The following LGALS13 variants were observed in gnomAD, a reference collection of about 807,000 sequenced individuals.
The protein encoded by LGALS13 is galactoside-binding soluble lectin 13.
LGALS13 carries 11 observed loss-of-function variants against 13.2 expected under a neutral mutation model. The ratio of observed to expected loss-of-function variants is 0.83; its 90% confidence interval spans 0.52 to 1.38. The LOEUF is 1.38. Ranked by LOEUF, LGALS13 falls within the 40% of genes most tolerant of loss-of-function variation. The pLI is 0.00. For missense variants in LGALS13, 183 were observed against 174.3 expected, an observed-to-expected ratio of 1.05 and a Z score of -0.28; for synonymous variants, 71 against 63.7, an observed-to-expected ratio of 1.11 and a Z score of -0.54.
chr19:39,604,461 C>G (rs1972649238), intron 1 of LGALS13, 141 bp from the exon 2 acceptor site: 7 of 897,502 alleles, frequency 7.8e-6, no homozygotes, highest in Non-Finnish European at 1.1e-5. Flanking sequence ...GAATATGGGG[C>G]CCTGAATGCG....
At chr19:39,607,098 A>C in intron 3 of LGALS13, 125 bp from the exon 4 acceptor site, 1 of 762,726 alleles carries the variant, frequency 1.3e-6, no homozygotes, top group South Asian at 1.4e-5. Flanking sequence ...AGTGTATCTA[A>C]TACGTTAACT....
In LGALS13 at chr19:39,602,537, C is replaced by T; in HGVS notation, c.-32C>T. 3 of 1,611,916 alleles carry T rather than the reference C, an allele frequency of 1.9e-6. No homozygotes were observed. Among genetic ancestry groups the T allele is most frequent in the Non-Finnish European group, 2.5e-6 (3 of 1,177,984 alleles). ...AGAGATTCACTCAGAAGACTGGACT[C>T]AATTCTGAAGGTCGCCAAGAAGGAG... On this transcript the variant is annotated 5_prime_UTR_variant, in exon 1 of 4. Coordinates refer to ENST00000221797, the MANE Select transcript of LGALS13 (RefSeq NM_013268.3).
intron 1 of LGALS13, chr19:39,604,121 C>A (rs947927209): frequency 2.3e-5 from 9 of 398,196 alleles, no homozygotes; most frequent in Non-Finnish European, 2.7e-5. Context: ...TAAATTCTTA[C>A]ATTTACAAGT....
intron 2 of LGALS13, among the ~76,000 whole-genome samples, chr19:39,604,939 T>A (rs542497640): frequency 6.6e-6 from 1 of 152,204 alleles, no homozygotes; most frequent in Non-Finnish European, 1.5e-5. Flanking sequence ...TTTTCGGGAA[T>A]GAACAAGTCA....
chr19:39,604,682 A>C lies in LGALS13; in HGVS notation c.92+4A>C, dbSNP rs1157446931. On this transcript the variant is annotated splice_donor_region_variant and intron_variant, in intron 2 of 3. Coordinates refer to ENST00000221797, the MANE Select transcript of LGALS13 (RefSeq NM_013268.3). ...GGACACCAATCCACTCTTTTATGTGAGTACTCCATGGTCCAATGGAGGGGT... is the reference window on the plus strand; with the variant it reads ...GGACACCAATCCACTCTTTTATGTGCGTACTCCATGGTCCAATGGAGGGGT... The C allele has an allele frequency of 6.2e-7, 1 of 1,614,136 alleles. No individual in the cohort carries two copies. Among genetic ancestry groups the C allele is most frequent in the South Asian group, 1.1e-5 (1 of 91,086 alleles).
Position 39,602,588 on chromosome 19 carries a change from GT to G in LGALS13, c.15+7del. On this transcript the variant is annotated splice_donor_region_variant and intron_variant, in intron 1 of 3. Coordinates refer to ENST00000221797, the MANE Select transcript of LGALS13 (RefSeq NM_013268.3). Reference sequence around the variant, plus strand: ...AGAACAATGTCTTCTTTACCCGTGAGTTGAAAAGGCACAGCCTTCAAAAATT... The same window carrying G: ...AGAACAATGTCTTCTTTACCCGTGAGTGAAAAGGCACAGCCTTCAAAAATT... 1 of 1,614,122 alleles carries G rather than the reference GT, an allele frequency of 6.2e-7. No individual in the cohort carries two copies. The highest frequency in any genetic ancestry group is 8.5e-7 in the Non-Finnish European group (1 of 1,179,938).
chr19:39,603,600 C>A (rs762322814), intron 1 of LGALS13, among the ~76,000 whole-genome samples: 1 of 151,852 alleles, frequency 6.6e-6, no homozygotes, highest in African/African-American at 2.4e-5. Flanking sequence ...GGCTATAATC[C>A]CACCAATTTT....
chr19:39,606,916 G>A (rs1408037021), intron 3 of LGALS13, among the ~76,000 whole-genome samples: 1 of 152,196 alleles, frequency 6.6e-6, no homozygotes, highest in Non-Finnish European at 1.5e-5. Context: ...AGGGTCTCAA[G>A]TTCCTGAGAC....
In LGALS13 at chr19:39,607,401, C is replaced by A; in HGVS notation, c.*62C>A. The A allele has an allele frequency of 9.3e-7, 1 of 1,069,558 alleles. No individual in the cohort carries two copies. The highest frequency in any genetic ancestry group is 1.2e-5 in the South Asian group (1 of 80,230). The allele number at this position is 1,069,558 out of a possible 1,614,324, so 66.3% of individuals were successfully genotyped here. On this transcript the variant is annotated 3_prime_UTR_variant, in exon 4 of 4. Transcript: ENST00000221797. ...TCTTTCTACCTGACCATGGGATTCC[C>A]AGAACCTGCTAACAGAATAATCCCT...
Position 39,607,280 on chromosome 19 carries a change from G to A in LGALS13, c.361G>A (p.Val121Met). The change falls in exon 4 of 4, where the codon GTG becomes ATG. Residue 121 changes from valine (V) to methionine (M), a missense_variant. Transcript: ENST00000221797. ...GFVHRIPPSFVKMVQVSRDIS... is the reference protein window; with the variant it reads ...GFVHRIPPSFMKMVQVSRDIS... ...TGTCCATCGAATCCCGCCATCATTT[G>A]TGAAGATGGTGCAAGTGTCGAGAGA... 1 of 1,614,130 alleles carries A rather than the reference G, an allele frequency of 6.2e-7. No individual in the cohort carries two copies. Among genetic ancestry groups the A allele is most frequent in the Non-Finnish European group, 8.5e-7 (1 of 1,180,016 alleles).
rs368548473 is a variant in LGALS13, at chr19:39,607,187, G to T, written c.304-36G>T. The T allele has an allele frequency of 2.7e-6, 4 of 1,498,166 alleles. No homozygotes were observed. In the African/African-American group the frequency reaches 5.5e-5, roughly 21 times the overall value. The allele number at this position is 1,498,166 out of a possible 1,614,324, so 92.8% of individuals were successfully genotyped here. On this transcript the variant is annotated intron_variant, in intron 3 of 3. Transcript: ENST00000221797. ...GAGGAGGCCGAAAACTTGTTTGGTG[G>T]CATGCTTTCTTTCTGATGCATTTTT... is the stretch of plus-strand genomic sequence containing the variant.
intron 3 of LGALS13, among the ~76,000 whole-genome samples, chr19:39,605,667 A>C (rs1432757290): frequency 2.0e-5 from 3 of 152,098 alleles, no homozygotes; most frequent in Non-Finnish European, 4.4e-5. Context: ...CCATTATTTA[A>C]ATTTTCATTT....
At chr19:39,605,624 T>C (rs930894458) in intron 3 of LGALS13, among the ~76,000 whole-genome samples, 4 of 152,182 alleles carry the variant, frequency 2.6e-5, no homozygotes, top group Non-Finnish European at 5.9e-5. Flanking sequence ...TAATCTCCTC[T>C]GTCTTTTCAC....
chr19:39,605,479 G>A (rs1359751129), intron 3 of LGALS13, 91 bp downstream of exon 3: 1 of 1,077,848 alleles, frequency 9.3e-7, no homozygotes, highest in African/African-American at 1.6e-5. Context: ...TAGTCCGTCA[G>A]GGTCCATCTC....
Position 39,605,119 on chromosome 19 carries a change from C to T in LGALS13, c.93-59C>T, listed in dbSNP as rs113419268. 49 of 1,349,668 alleles carry T rather than the reference C, an allele frequency of 3.6e-5. No individual in the cohort carries two copies. In the East Asian group the frequency reaches 8.1e-4, roughly 22 times the overall value. The allele number at this position is 1,349,668 out of a possible 1,614,324, so 83.6% of individuals were successfully genotyped here. On this transcript the variant is annotated intron_variant, in intron 2 of 3. Coordinates refer to ENST00000221797, the MANE Select transcript of LGALS13 (RefSeq NM_013268.3). ...TGGGGGAAGGGATTTGTGTGTGTGTCGAGTGTGTGTCTGCGCAAGGGAGGG... is the reference window on the plus strand; with the variant it reads ...TGGGGGAAGGGATTTGTGTGTGTGTTGAGTGTGTGTCTGCGCAAGGGAGGG...
Position 39,607,373 on chromosome 19 carries a change from C to A in LGALS13, c.*34C>A. 1 of 1,351,768 alleles carries A rather than the reference C, an allele frequency of 7.4e-7. No homozygotes were observed. Among genetic ancestry groups the A allele is most frequent in the Non-Finnish European group, 1.1e-6 (1 of 940,462 alleles). The allele number at this position is 1,351,768 out of a possible 1,614,324, so 83.7% of individuals were successfully genotyped here. A position where few individuals can be genotyped will look rare whatever the true frequency, so the allele number is the denominator to read the frequency against. On this transcript the variant is annotated 3_prime_UTR_variant, in exon 4 of 4. Transcript: ENST00000221797. ...ATCACACTCCTCATTGTTGAGGAAT[C>A]CCTCTTTCTACCTGACCATGGGATT...
At chr19:39,605,018 G>T in intron 2 of LGALS13, 160 bp from the exon 3 acceptor site, 1 of 718,576 alleles carries the variant, frequency 1.4e-6, no homozygotes, top group Non-Finnish European at 2.5e-6. Flanking sequence ...TCCCTGCCTG[G>T]GGGCATGAGG....
At chr19:39,605,521 C>G (rs1316423530) in intron 3 of LGALS13, 133 bp downstream of exon 3, 2 of 759,552 alleles carry the variant, frequency 2.6e-6, no homozygotes, top group Non-Finnish European at 4.6e-6. Flanking sequence ...GTTTTCATCA[C>G]AGAGCACCCC....
intron 1 of LGALS13, chr19:39,604,004 C>T (rs1442661423): frequency 2.0e-6 from 2 of 984,490 alleles, no homozygotes; most frequent in Non-Finnish European, 2.4e-6. Context: ...ATGTCCATGG[C>T]CCTTGATGAT....
Sources: allele counts gnomAD v4.1 joint callset (sites outside exome capture counted in the v4.1 genomes callset), GRCh38; gene constraint gnomAD v4.1.1; transcripts MANE v1.5; gene names NCBI Gene and HGNC (gene_info 2026-07-23, HGNC 2026-07-21).